Variants in ABCB11 observed in about 807,000 individuals in gnomAD.
The protein encoded by ABCB11 is ATP binding cassette subfamily B member 11, also known as bile salt export pump.
Under a neutral mutation model 148.0 loss-of-function variants are expected in ABCB11, and 95 were observed. That is an observed-to-expected ratio of 0.64 (90% CI 0.54 to 0.76). The LOEUF (loss-of-function observed/expected upper bound fraction) is 0.76. ABCB11 is among the 30% of genes least tolerant of loss of function. The probability of loss-of-function intolerance (pLI) is 0.00; values close to 1 mark genes in which losing one functional copy is unlikely to be tolerated. For synonymous variants in ABCB11, 591 were observed against 555.4 expected, an observed-to-expected ratio of 1.06 and a Z score of -0.90; for missense variants, 1,523 against 1,617.8, an observed-to-expected ratio of 0.94 and a Z score of 1.01.
chr2:168,945,711 C>G (rs1692278204), intron 19 of ABCB11, among the ~76,000 whole-genome samples: 1 of 151,514 alleles, frequency 6.6e-6, no homozygotes, highest in African/African-American at 2.4e-5. Context: ...TTGTCTGGGA[C>G]AAAACTCAAA....
chr2:168,925,914 A>G (rs571634200), intron 26 of ABCB11, among the ~76,000 whole-genome samples: 1 of 152,182 alleles, frequency 6.6e-6, no homozygotes, highest in Admixed American at 6.5e-5. Context: ...CAGGAGACAC[A>G]CAATCTTTGC....
chr2:168,986,186 C>T lies in ABCB11; in HGVS notation c.1007G>A (p.Cys336Tyr). Residue 336 changes from cysteine to tyrosine, a missense_variant, in exon 10 of 28, where the codon TGT becomes TAT. Cys to Tyr is a radical substitution (Grantham distance 194). Coordinates refer to ENST00000650372, the MANE Select transcript of ABCB11 (RefSeq NM_003742.4). ...GCCGTACCAGAAGGCCAGTGCATAA[C>T]ACAAAAAGATGAGACACCACACGAA... ...TGFVWCLIFL[C>Y]YALAFWYGST... The T allele has an allele frequency of 6.2e-7, 1 of 1,613,246 alleles. No individual in the cohort carries two copies.
chr2:168,925,463 G>T (rs1031795420), intron 26 of ABCB11, among the ~76,000 whole-genome samples: 6 of 152,144 alleles, frequency 3.9e-5, no homozygotes, highest in African/African-American at 1.2e-4. Context: ...TACCATAGAG[G>T]TATTGTGCTA....
intron 25 of ABCB11, among the ~76,000 whole-genome samples, chr2:168,927,773 A>G (rs983173532): frequency 6.6e-6 from 1 of 152,214 alleles, no homozygotes; most frequent in African/African-American, 2.4e-5. Context: ...ATAAGGGTCA[A>G]ACCTGTTTTC....
intron 25 of ABCB11, among the ~76,000 whole-genome samples, chr2:168,927,601 G>A (rs189512138): frequency 1.3e-5 from 2 of 152,166 alleles, no homozygotes; most frequent in African/African-American, 4.8e-5. Context: ...CTGAACTCTG[G>A]CTCTACAGGT....
At chr2:168,977,245 G>A (rs780644100) in intron 11 of ABCB11, among the ~76,000 whole-genome samples, 3 of 151,926 alleles carry the variant, frequency 2.0e-5, no homozygotes, top group Middle Eastern at 3.4e-3. Context: ...AATTGTCACC[G>A]TCACCAAACT....
chr2:168,984,266 A>G (rs1694239519), intron 10 of ABCB11, among the ~76,000 whole-genome samples: 1 of 152,116 alleles, frequency 6.6e-6, no homozygotes, highest in African/African-American at 2.4e-5. Context: ...ATTTGTCTGT[A>G]TTCATTTACA....
Position 168,923,626 on chromosome 2 carries a change from C to T in ABCB11, c.3962G>A (p.Ser1321Asn), listed in dbSNP as rs201693189. ...GTCTGAGATTCTTGCATTGGGTCAA[C>T]TGATGGGGGATCCAGTGGTGACTAG... ...YKLVTTGSPI[S>N] The change falls in exon 28 of 28, where the codon AGT becomes AAT. Residue 1321 changes from serine (S) to asparagine (N), a missense_variant. By Grantham distance (46) the Ser-to-Asn change is conservative. Transcript: ENST00000650372. The T allele has an allele frequency of 7.1e-5, 115 of 1,613,782 alleles. 3 individuals carry two copies. The South Asian group carries it at 1.2e-3, about 16-fold the overall frequency.
At chr2:169,012,376 G>C (rs1004776544) in intron 5 of ABCB11, among the ~76,000 whole-genome samples, 1 of 152,132 alleles carries the variant, frequency 6.6e-6, no homozygotes, top group African/African-American at 2.4e-5. Flanking sequence ...AAGGTGGCCT[G>C]TCAGGCTTAT....
chr2:168,957,666 T>C (rs2105934275), intron 19 of ABCB11, among the ~76,000 whole-genome samples: 1 of 151,806 alleles, frequency 6.6e-6, no homozygotes, highest in South Asian at 2.1e-4. Flanking sequence ...TTTGATTAGG[T>C]TTGATATACA....
chr2:168,944,613 C>A lies in ABCB11; in HGVS notation c.2602G>T (p.Val868Phe). The change falls in exon 21 of 28, where the codon GTT (valine) becomes TTT (phenylalanine). Residue 868 changes from valine (V) to phenylalanine (F), a missense_variant. Transcript: ENST00000650372. ...TTRLATDASQVQGAAGSQIGM... is the reference protein window; with the variant it reads ...TTRLATDASQFQGAAGSQIGM... ...CCCCTCCCATAGCTCACCCCTTGAACTTGGGAAGCATCTGTAGCAAGTCTT... is the reference window on the plus strand; with the variant it reads ...CCCCTCCCATAGCTCACCCCTTGAAATTGGGAAGCATCTGTAGCAAGTCTT... 1 of 1,604,130 alleles carries A rather than the reference C, an allele frequency of 6.2e-7. No individual in the cohort carries two copies. The highest frequency in any genetic ancestry group is 8.5e-7 in the Non-Finnish European group (1 of 1,174,414).
chr2:168,973,737 A>C lies in ABCB11; in HGVS notation c.1412T>G (p.Phe471Cys). 1 of 1,612,166 alleles carries C rather than the reference A, an allele frequency of 6.2e-7. No homozygotes were observed. Among genetic ancestry groups the C allele is most frequent in the Non-Finnish European group, 8.5e-7 (1 of 1,178,588 alleles). Residue 471 changes from phenylalanine (F) to cysteine (C), a missense_variant, in exon 13 of 28, where the codon TTC (phenylalanine) becomes TGC (cysteine). Physicochemically the swap from Phe to Cys is radical, Grantham distance 205. Coordinates refer to ENST00000650372, the MANE Select transcript of ABCB11 (RefSeq NM_003742.4). ...CACCATTCCTTCACAGGGGTCATAG[A>C]ATCGCTGAATGAGTTGCAGTGCTGT... ...KSTALQLIQR[F>C]YDPCEGMVTV...
At chr2:168,983,613 A>G (rs1308342987) in intron 10 of ABCB11, among the ~76,000 whole-genome samples, 1 of 152,198 alleles carries the variant, frequency 6.6e-6, no homozygotes, top group Non-Finnish European at 1.5e-5. Context: ...TTTGTGTATT[A>G]TCATGTTCTT....
At chr2:168,955,884 C>T (rs1489252861) in intron 19 of ABCB11, among the ~76,000 whole-genome samples, 1 of 151,542 alleles carries the variant, frequency 6.6e-6, no homozygotes, top group African/African-American at 2.4e-5. Context: ...GAGAAATTGG[C>T]CAAAACAAAG....
At chr2:169,015,670 C>CA (rs1251943224) in intron 3 of ABCB11, among the ~76,000 whole-genome samples, 1 of 152,074 alleles carries the variant, frequency 6.6e-6, no homozygotes, top group Non-Finnish European at 1.5e-5. Context: ...ATTTCAACCC[C>CA]ACCCCCCACG....
In ABCB11 at chr2:168,976,633, C is replaced by T; in HGVS notation, c.1252G>A (p.Gly418Ser). ...GTCACATTATGGAATTCAATTTCAC[C>T]CTTGATTCGATCCAACTTGTAACCA... ...EDGYKLDRIK[G>S]EIEFHNVTFH... Residue 418 changes from glycine (G) to serine (S), a missense_variant, in exon 12 of 28, where the codon GGT (glycine) becomes AGT (serine). Gly to Ser is a moderately conservative substitution (Grantham distance 56). Coordinates refer to ENST00000650372, the MANE Select transcript of ABCB11 (RefSeq NM_003742.4). The T allele has an allele frequency of 6.2e-7, 1 of 1,610,780 alleles. No homozygotes were observed. Among genetic ancestry groups the T allele is most frequent in the Admixed American group, 1.7e-5 (1 of 59,780 alleles).
intron 1 of ABCB11, among the ~76,000 whole-genome samples, chr2:169,028,972 T>C (rs1448689044): frequency 1.3e-5 from 2 of 152,140 alleles, no homozygotes; most frequent in African/African-American, 4.8e-5. Flanking sequence ...CAGGCCAAGA[T>C]GGTAAGAAGA....
At chr2:168,980,013 T>C in intron 10 of ABCB11, 34 bp from the exon 11 acceptor site, 1 of 1,289,708 alleles carries the variant, frequency 7.8e-7, no homozygotes, top group Non-Finnish European at 1.1e-6. Context: ...TTCATGTGTT[T>C]TTGTTAATGT....
intron 11 of ABCB11, among the ~76,000 whole-genome samples, chr2:168,978,263 A>T (rs1004567288): frequency 6.8e-6 from 1 of 146,326 alleles, no homozygotes; most frequent in Non-Finnish European, 1.5e-5. Flanking sequence ...CTCCCATATC[A>T]GCCTCCTGAC....
Sources: gnomAD v4.1 joint callset for allele counts (sites outside exome capture counted in the v4.1 genomes callset) on GRCh38, gnomAD v4.1.1 for gene constraint, MANE v1.5 for transcripts, NCBI Gene and HGNC (gene_info 2026-07-23, HGNC 2026-07-21) for gene names.